Variants in NUP210L observed in about 807,000 individuals in gnomAD.
The protein encoded by NUP210L is nuclear pore membrane glycoprotein 210-like.
NUP210L carries 74 observed loss-of-function variants against 208.5 expected under a neutral mutation model. The ratio of observed to expected loss-of-function variants is 0.35; its 90% CI spans 0.29 to 0.43. The LOEUF (loss-of-function observed/expected upper bound fraction) is 0.43, where lower values mean the gene tolerates loss of function less well. Among genes scored for constraint, NUP210L ranks in the 20% least tolerant of loss-of-function variants. The pLI is 1.00. For missense variants in NUP210L, 1,843 were observed against 2,289.4 expected (o/e 0.81, Z 3.98); for synonymous variants, 780 against 816.9 (o/e 0.95, Z 0.77).
intron 6 of NUP210L, 36 bp from the exon 7 acceptor site, chr1:154,136,008 G>T: frequency 7.0e-7 from 1 of 1,435,568 alleles, no homozygotes; most frequent in South Asian, 1.2e-5. Flanking sequence ...TGTAATGACA[G>T]CAGCCATTCC....
At chr1:154,107,212 A>G (rs1197714449) in intron 12 of NUP210L, among the ~76,000 whole-genome samples, 1 of 152,194 alleles carries the variant, frequency 6.6e-6, no homozygotes, top group African/African-American at 2.4e-5. Flanking sequence ...CAATTAACAT[A>G]CTAAAGAAAT....
chr1:154,135,924 C>G lies in NUP210L; in HGVS notation c.899G>C (p.Arg300Thr). ...AGAATGAGACCCGTTAAGTGCAACTCTATGGTCTTGCAATTCCAGTATATA... is the reference window on the plus strand; with the variant it reads ...AGAATGAGACCCGTTAAGTGCAACTGTATGGTCTTGCAATTCCAGTATATA... Residue 300 changes from arginine (R) to threonine (T), a missense_variant, in exon 7 of 40, where the codon AGA (arginine) becomes ACA (threonine). Arg to Thr is a moderately conservative substitution (Grantham distance 71). Transcript: ENST00000368559. 6.2e-7 allele frequency: 1 copy of G among 1,602,806 alleles called. No individual in the cohort carries two copies. Among genetic ancestry groups the G allele is most frequent in the Non-Finnish European group, 8.5e-7 (1 of 1,169,622 alleles).
At chr1:154,013,538 TAC>T (rs1279348041) in intron 33 of NUP210L, among the ~76,000 whole-genome samples, 1 of 151,854 alleles carries the variant, frequency 6.6e-6, no homozygotes, top group East Asian at 1.9e-4. Flanking sequence ...TGTGCCATTG[TAC>T]TCCAGCCTGG....
chr1:154,150,684 C>T (rs1043295386), intron 2 of NUP210L, among the ~76,000 whole-genome samples: 6 of 56,396 alleles, frequency 1.1e-4, no homozygotes, highest in South Asian at 4.8e-4. Flanking sequence ...GCCAAGATCG[C>T]GCCATTGCAC....
chr1:154,055,131 C>CTT (rs139157198), intron 23 of NUP210L, among the ~76,000 whole-genome samples: 9 of 55,576 alleles, frequency 1.6e-4, no homozygotes, highest in African/African-American at 3.8e-4. Context: ...TCTTTTCTTT[C>CTT]TTTCTTTCTT....
At chr1:154,126,501 A>G in intron 9 of NUP210L, 38 bp from the exon 10 acceptor site, 1 of 1,563,914 alleles carries the variant, frequency 6.4e-7, no homozygotes. Context: ...ACCTGAAGAT[A>G]TGTTCTTTCC....
At chr1:154,015,512 G>A (rs1364632289) in intron 33 of NUP210L, among the ~76,000 whole-genome samples, 1 of 152,024 alleles carries the variant, frequency 6.6e-6, no homozygotes, top group Non-Finnish European at 1.5e-5. Context: ...CTTGAGGTCA[G>A]GAGTTCGAGA....
chr1:154,046,958 T>C (rs1653215503), intron 25 of NUP210L, among the ~76,000 whole-genome samples: 1 of 152,150 alleles, frequency 6.6e-6, no homozygotes, highest in Non-Finnish European at 1.5e-5. Context: ...CTTGGGAGGC[T>C]GAGGCAGGAG....
intron 38 of NUP210L, among the ~76,000 whole-genome samples, chr1:153,994,221 A>G: frequency 6.6e-6 from 1 of 152,112 alleles, no homozygotes. Flanking sequence ...AATTTCAGCA[A>G]AAGTAGCTGT....
chr1:154,061,381 T>TAATAAC (rs768819184), intron 18 of NUP210L, among the ~76,000 whole-genome samples: 2 of 149,462 alleles, frequency 1.3e-5, no homozygotes, highest in African/African-American at 4.9e-5. Context: ...TCATCTCAAA[T>TAATAAC]AATAATAATA....
intron 16 of NUP210L, among the ~76,000 whole-genome samples, chr1:154,076,304 AGATTGGC>A (rs1482353577): frequency 6.6e-6 from 1 of 151,680 alleles, no homozygotes; most frequent in Non-Finnish European, 1.5e-5. Context: ...GGGTTTCATC[AGATTGGC>A]CAGGATGGTC....
chr1:154,031,242 AC>A (rs1461315381), intron 27 of NUP210L, among the ~76,000 whole-genome samples: 1 of 152,024 alleles, frequency 6.6e-6, no homozygotes, highest in Non-Finnish European at 1.5e-5. Context: ...GGCGCCTGCC[AC>A]TATGCCCGAC....
chr1:154,136,395 T>C (rs1201297559), intron 6 of NUP210L, among the ~76,000 whole-genome samples: 1 of 151,752 alleles, frequency 6.6e-6, no homozygotes. Flanking sequence ...GAGGTTGCAG[T>C]GAGCTGAGAT....
At chr1:154,072,260 C>T (rs1319344534) in intron 16 of NUP210L, among the ~76,000 whole-genome samples, 4 of 151,652 alleles carry the variant, frequency 2.6e-5, no homozygotes, top group Non-Finnish European at 5.9e-5. Context: ...TAAAGTGTTC[C>T]CTGTTCACCA....
intron 16 of NUP210L, chr1:154,079,547 C>T (rs1655207071): frequency 6.6e-6 from 1 of 152,148 alleles, no homozygotes; most frequent in Non-Finnish European, 1.5e-5. Flanking sequence ...TGTTTGTCCC[C>T]ATATCTCAAC....
At position 154,023,129 on chromosome 1, in the gene NUP210L, GAGCCAGATAA is replaced by G. The variant is rs1157228844; in HGVS notation, c.4281_4290del (p.Tyr1428Ter). On this transcript the variant is annotated frameshift_variant, in exon 31 of 40. Transcript: ENST00000368559. LOFTEE classifies it high-confidence loss of function. ...TTCCTTTGACTTCCATACCTGTTCA[GAGCCAGATAA>G]AGCTGGGTATTGTGTGTGTGGAATT... 2 of 1,613,668 alleles carry G rather than the reference GAGCCAGATAA, an allele frequency of 1.2e-6. No homozygotes were observed. Among genetic ancestry groups the G allele is most frequent in the South Asian group, 2.2e-5 (2 of 91,002 alleles).
At chr1:153,999,991 AT>A (rs995669130) in intron 37 of NUP210L, among the ~76,000 whole-genome samples, 9 of 147,654 alleles carry the variant, frequency 6.1e-5, no homozygotes, top group African/African-American at 9.9e-5. Flanking sequence ...TGCCCAGGTA[AT>A]TTTTTTTTTG....
chr1:154,022,911 A>C (rs1469600778), intron 31 of NUP210L, among the ~76,000 whole-genome samples: 1 of 151,962 alleles, frequency 6.6e-6, no homozygotes, highest in Admixed American at 6.6e-5. Flanking sequence ...TCCTGGGCCC[A>C]AGTGATCCTC....
At chr1:154,034,882 C>A (rs1229189378) in intron 27 of NUP210L, among the ~76,000 whole-genome samples, 1 of 147,790 alleles carries the variant, frequency 6.8e-6, no homozygotes, top group Non-Finnish European at 1.5e-5. Flanking sequence ...TGCTCTGTTG[C>A]CCAGGCTGGA....
Sources: allele counts gnomAD v4.1 joint callset (sites outside exome capture counted in the v4.1 genomes callset), GRCh38; gene constraint gnomAD v4.1.1; transcripts MANE v1.5; gene names NCBI Gene and HGNC (gene_info 2026-07-23, HGNC 2026-07-21).